The following IL22RA2 variants were observed in gnomAD, a reference collection of about 807,000 sequenced individuals.
IL22RA2 encodes the protein interleukin-22 receptor subunit alpha-2.
IL22RA2 carries 39 observed loss-of-function variants against 30.7 expected under a neutral mutation model. That is an observed-to-expected ratio of 1.27 (90% confidence interval 0.98 to 1.66). IL22RA2 has a LOEUF of 1.66. IL22RA2 is among the 40% of genes most tolerant of loss of function. The probability of loss-of-function intolerance (pLI) is 0.00; values close to 1 mark genes in which losing one functional copy is unlikely to be tolerated. For synonymous variants in IL22RA2, 103 were observed against 105.0 expected (o/e 0.98, Z 0.11); for missense variants, 315 against 312.7 (o/e 1.01, Z -0.05).
intron 1 of IL22RA2, among the ~76,000 whole-genome samples, chr6:137,168,765 C>T (rs1248040150): frequency 1.3e-5 from 2 of 152,206 alleles, no homozygotes; most frequent in African/African-American, 2.4e-5. Flanking sequence ...TAAAGGATTA[C>T]TAACCTTTGA....
At chr6:137,163,359 C>T (rs1300478752) in intron 1 of IL22RA2, among the ~76,000 whole-genome samples, 2 of 152,060 alleles carry the variant, frequency 1.3e-5, no homozygotes, top group Admixed American at 6.5e-5. Flanking sequence ...CTTTGGTTGT[C>T]CCACAACATT....
Position 137,149,244 on chromosome 6 carries a change from C to T in IL22RA2, c.473-1353G>A, listed in dbSNP as rs970572971. Among the ~76,000 whole-genome samples, 16 of 152,280 alleles carry T rather than the reference C, an allele frequency of 1.1e-4. No individual in the cohort carries two copies. In the Middle Eastern group the frequency reaches 0.014, roughly 129 times the overall value. ...CTATCAATGTCCACTGTACTGTATGCATGAAATGACTCACAAATTTTTGTC... is the reference window on the plus strand; with the variant it reads ...CTATCAATGTCCACTGTACTGTATGTATGAAATGACTCACAAATTTTTGTC... On this transcript the variant is annotated intron_variant, in intron 5 of 6. Coordinates refer to ENST00000296980, the MANE Select transcript of IL22RA2 (RefSeq NM_052962.3).
chr6:137,160,736 G>T (rs1260361451), intron 2 of IL22RA2, among the ~76,000 whole-genome samples: 1 of 152,190 alleles, frequency 6.6e-6, no homozygotes, highest in Non-Finnish European at 1.5e-5. Flanking sequence ...GCATTCTACA[G>T]ATGAGGAAGC....
At chr6:137,170,964 C>T (rs9494683) in intron 1 of IL22RA2, among the ~76,000 whole-genome samples, 9,240 of 152,192 alleles carry the variant, frequency 0.061, 637 homozygotes, top group African/African-American at 0.17. Context: ...CTTCAGCCTC[C>T]GCAAGTCATA....
chr6:137,146,015 CAG>C (rs1300957574), intron 6 of IL22RA2, among the ~76,000 whole-genome samples: 2 of 152,098 alleles, frequency 1.3e-5, no homozygotes, highest in African/African-American at 4.8e-5. Flanking sequence ...ACCCCATGGT[CAG>C]AGTCTTGTTT....
At chr6:137,151,082 T>C (rs1230291775) in intron 5 of IL22RA2, among the ~76,000 whole-genome samples, 1 of 152,276 alleles carries the variant, frequency 6.6e-6, no homozygotes, top group East Asian at 1.9e-4. Flanking sequence ...TCTGGGTGGT[T>C]AGAGAATTGC....
Position 137,156,766 on chromosome 6 carries a change from A to G in IL22RA2, c.286T>C (p.Leu96=). 2 of 1,613,750 alleles carry G rather than the reference A, an allele frequency of 1.2e-6. No homozygotes were observed. Among genetic ancestry groups the G allele is most frequent in the Non-Finnish European group, 1.7e-6 (2 of 1,179,654 alleles). The part of the protein sequence containing the change: ...ISCNFPGCRT[L]AKYGQRQWKN... ...TAAGGAAAAGAGGTGTACTTAGCCA[A>G]TGTTCTGCAGCCTGGGAAGTTACAA... is the stretch of plus-strand genomic sequence containing the variant. Residue 96 remains leucine (L), a synonymous_variant, in exon 4 of 7, where the codon TTG becomes CTG. Transcript: ENST00000296980.
chr6:137,158,599 A>G, intron 2 of IL22RA2, 117 bp from the exon 3 acceptor site: 1 of 1,010,290 alleles, frequency 9.9e-7, no homozygotes, highest in South Asian at 1.5e-5. Flanking sequence ...CTCTAAGTGC[A>G]GATAGTAGAG....
Position 137,154,930 on chromosome 6 carries a change from A to G in IL22RA2, c.472+11T>C. The G allele has an allele frequency of 1.2e-6, 2 of 1,613,348 alleles. No homozygotes were observed. The highest frequency in any genetic ancestry group is 2.2e-5 in the East Asian group (1 of 44,870). On this transcript the variant is annotated intron_variant, in intron 5 of 6. Coordinates refer to ENST00000296980, the MANE Select transcript of IL22RA2 (RefSeq NM_052962.3). ...GGAAGAACAAGGGCAAAGAAACTCC[A>G]TGGAACTCACTTTCCCACCAGGGAG... is the stretch of plus-strand genomic sequence containing the variant.
At chr6:137,159,918 C>T (rs1286919288) in intron 2 of IL22RA2, among the ~76,000 whole-genome samples, 7 of 152,234 alleles carry the variant, frequency 4.6e-5, no homozygotes, top group Non-Finnish European at 2.9e-5. Context: ...TTCAAATGAA[C>T]AAGACTGTTT....
chr6:137,148,609 C>T (rs1778226349), intron 5 of IL22RA2, among the ~76,000 whole-genome samples: 1 of 152,122 alleles, frequency 6.6e-6, no homozygotes, highest in Non-Finnish European at 1.5e-5. Flanking sequence ...TGTTTTGGCC[C>T]CCAAGGATTC....
chr6:137,150,249 C>T (rs752107179), intron 5 of IL22RA2, among the ~76,000 whole-genome samples: 2 of 152,090 alleles, frequency 1.3e-5, no homozygotes, highest in Non-Finnish European at 2.9e-5. Flanking sequence ...TCTTGAGGAA[C>T]TAGAAACGTG....
intron 6 of IL22RA2, 31 bp from the exon 7 acceptor site, chr6:137,145,804 TA>T: frequency 6.2e-7 from 1 of 1,613,104 alleles, no homozygotes; most frequent in Non-Finnish European, 8.5e-7. Flanking sequence ...AATCAGTTGG[TA>T]AATGGCTGCC....
At chr6:137,149,965 C>G (rs929057087) in intron 5 of IL22RA2, among the ~76,000 whole-genome samples, 1 of 152,210 alleles carries the variant, frequency 6.6e-6, no homozygotes, top group Non-Finnish European at 1.5e-5. Flanking sequence ...AGGCATGGAG[C>G]CAACACACCT....
chr6:137,148,615 G>T (rs1471281510), intron 5 of IL22RA2, among the ~76,000 whole-genome samples: 1 of 152,144 alleles, frequency 6.6e-6, no homozygotes, highest in Non-Finnish European at 1.5e-5. Flanking sequence ...GGCCCCCAAG[G>T]ATTCCCTTTA....
At chr6:137,155,613 A>G (rs1227113668) in intron 4 of IL22RA2, among the ~76,000 whole-genome samples, 1 of 152,068 alleles carries the variant, frequency 6.6e-6, no homozygotes, top group Non-Finnish European at 1.5e-5. Flanking sequence ...CAATGGATGA[A>G]TCCATTCATG....
intron 1 of IL22RA2, among the ~76,000 whole-genome samples, chr6:137,173,099 C>T (rs769967803): frequency 3.9e-5 from 6 of 152,284 alleles, no homozygotes; most frequent in East Asian, 3.9e-4. Context: ...TGGCCAGACA[C>T]GGTGGCTCAC....
chr6:137,168,830 C>A (rs183802397), intron 1 of IL22RA2, among the ~76,000 whole-genome samples: 54 of 152,248 alleles, frequency 3.5e-4, no homozygotes, highest in African/African-American at 1.3e-3. Flanking sequence ...CAAAGAAAAC[C>A]CAAAGGACTC....
intron 3 of IL22RA2, among the ~76,000 whole-genome samples, chr6:137,157,349 G>A (rs1778426484): frequency 6.6e-6 from 1 of 152,066 alleles, no homozygotes; most frequent in Admixed American, 6.6e-5. Flanking sequence ...AGTATCTCCA[G>A]CAATGCACAA....
Sources: gnomAD v4.1 joint callset for allele counts (sites outside exome capture counted in the v4.1 genomes callset) on GRCh38, gnomAD v4.1.1 for gene constraint, MANE v1.5 for transcripts, NCBI Gene and HGNC (gene_info 2026-07-23, HGNC 2026-07-21) for gene names.